ZCCHC10: variants seen among roughly 807,000 people sequenced by gnomAD.
ZCCHC10 encodes the protein zinc finger CCHC domain-containing protein 10.
A neutral mutation model predicts 19.5 loss-of-function variants in ZCCHC10; 16 were observed. The ratio of observed to expected loss-of-function variants is 0.82; its 90% confidence interval spans 0.56 to 1.25. ZCCHC10 has a LOEUF of 1.25. ZCCHC10 is among the 50% of genes most tolerant of loss of function. The pLI is 0.00. For missense variants in ZCCHC10, 197 were observed against 201.0 expected (o/e 0.98, Z 0.12); for synonymous variants, 67 against 72.5 (o/e 0.92, Z 0.38).
intron 3 of ZCCHC10, 30 bp downstream of exon 3, chr5:133,006,728 AT>A (rs1376678097): frequency 2.6e-6 from 4 of 1,562,596 alleles, no homozygotes; most frequent in South Asian, 2.4e-5. Flanking sequence ...CATTAAAAAA[AT>A]ATTCCTTTGG....
chr5:133,009,346 G>A (rs919092594), intron 2 of ZCCHC10, among the ~76,000 whole-genome samples: 5 of 151,766 alleles, frequency 3.3e-5, no homozygotes, highest in Admixed American at 6.6e-5. Context: ...GGCCAGGTGC[G>A]GTGGCTCATT....
intron 2 of ZCCHC10, among the ~76,000 whole-genome samples, chr5:133,010,934 G>A (rs1033698002): frequency 2.0e-5 from 3 of 149,730 alleles, no homozygotes; most frequent in African/African-American, 7.3e-5. Context: ...TGGGATTACA[G>A]GCGCCTGCCA....
chr5:133,008,465 G>A (rs1763278576), intron 2 of ZCCHC10, among the ~76,000 whole-genome samples: 1 of 150,992 alleles, frequency 6.6e-6, no homozygotes. Context: ...TTGAACCTGG[G>A]AGGCGGAGGT....
At chr5:133,004,329 C>G (rs1421209877) in intron 3 of ZCCHC10, among the ~76,000 whole-genome samples, 1 of 151,974 alleles carries the variant, frequency 6.6e-6, no homozygotes, top group Non-Finnish European at 1.5e-5. Context: ...CATGCGCCAC[C>G]ACGTCTGGAT....
At chr5:133,002,117 T>C (rs938165229) in intron 3 of ZCCHC10, among the ~76,000 whole-genome samples, 3 of 151,596 alleles carry the variant, frequency 2.0e-5, no homozygotes, top group Admixed American at 1.3e-4. Context: ...CCCGCCACTA[T>C]GTCTGGCTAA....
chr5:133,011,980 T>C (rs768201874), intron 2 of ZCCHC10, among the ~76,000 whole-genome samples: 91 of 150,780 alleles, frequency 6.0e-4, no homozygotes, highest in Admixed American at 7.3e-4. Flanking sequence ...AAAAAATTTC[T>C]AAAACATTAT....
chr5:133,005,051 G>A (rs1358706386), intron 3 of ZCCHC10, among the ~76,000 whole-genome samples: 4 of 152,148 alleles, frequency 2.6e-5, no homozygotes, highest in Middle Eastern at 6.8e-3. Context: ...TGTAATCCCA[G>A]CACTTTGGGA....
intron 3 of ZCCHC10, 94 bp from the exon 4 acceptor site, chr5:133,000,267 C>T: frequency 7.2e-7 from 1 of 1,381,848 alleles, no homozygotes; most frequent in Non-Finnish European, 1.0e-6. Flanking sequence ...TCATTTTACT[C>T]TGGAGAAAGA....
chr5:133,022,168 T>C lies in ZCCHC10; in HGVS notation c.107+673A>G, dbSNP rs192656876. Among the ~76,000 whole-genome samples the C allele has an allele frequency of 3.3e-3, 499 of 152,326 alleles. 2 individuals are homozygous for C. Among genetic ancestry groups the C allele is most frequent in the Admixed American group, 8.0e-3 (122 of 15,280 alleles). ...AACCATTAACACACAAACACATTTA[T>C]AGCTGTACAAAAATTTTTTCTTTCT... On this transcript the variant is annotated intron_variant, in intron 2 of 4. Transcript: ENST00000509437.
Position 133,026,055 on chromosome 5 carries a change from T to C in ZCCHC10, c.41+442A>G, listed in dbSNP as rs1231734446. 3.3e-5 allele frequency among the ~76,000 whole-genome samples: 5 copies of C among 152,112 alleles called. No individual in the cohort carries two copies. The East Asian group carries it at 9.6e-4, about 29-fold the overall frequency. ...AGCAATCGGCATTGAAGGCAGGGTGTTCCTAAGGAAGGCGCTAGAATAAGG... is the reference window on the plus strand; with the variant it reads ...AGCAATCGGCATTGAAGGCAGGGTGCTCCTAAGGAAGGCGCTAGAATAAGG... On this transcript the variant is annotated intron_variant, in intron 1 of 4. Transcript: ENST00000509437.
At chr5:133,024,897 C>T (rs918122919) in intron 1 of ZCCHC10, among the ~76,000 whole-genome samples, 2 of 151,148 alleles carry the variant, frequency 1.3e-5, no homozygotes, top group African/African-American at 4.9e-5. Flanking sequence ...AGTGAGACTC[C>T]GTCTAAAAAA....
intron 2 of ZCCHC10, among the ~76,000 whole-genome samples, chr5:133,020,934 T>G (rs1001776816): frequency 3.3e-5 from 5 of 151,808 alleles, no homozygotes; most frequent in African/African-American, 1.2e-4. Flanking sequence ...TCTCGCTCTG[T>G]CGCCCAGGCT....
intron 1 of ZCCHC10, among the ~76,000 whole-genome samples, chr5:133,024,749 A>G (rs1283764034): frequency 6.6e-6 from 1 of 152,116 alleles, no homozygotes; most frequent in East Asian, 1.9e-4. Flanking sequence ...TAAAAAATAC[A>G]AAAATTAGCA....
intron 4 of ZCCHC10, among the ~76,000 whole-genome samples, 163 bp downstream of exon 4, chr5:132,999,969 A>G (rs1230310126): frequency 6.6e-6 from 1 of 152,210 alleles, no homozygotes; most frequent in African/African-American, 2.4e-5. Context: ...GCTGGTCTCC[A>G]ACTCCTGACC....
At chr5:133,021,445 T>G (rs977969788) in intron 2 of ZCCHC10, among the ~76,000 whole-genome samples, 12 of 152,180 alleles carry the variant, frequency 7.9e-5, no homozygotes, top group Non-Finnish European at 1.5e-4. Flanking sequence ...AAAGATGACC[T>G]AAATAAATGG....
intron 3 of ZCCHC10, among the ~76,000 whole-genome samples, chr5:133,002,790 G>T (rs560456061): frequency 7.2e-4 from 109 of 151,964 alleles, no homozygotes; most frequent in Non-Finnish European, 1.3e-3. Context: ...CATGATCTTG[G>T]CTTACTTCAA....
intron 2 of ZCCHC10, among the ~76,000 whole-genome samples, chr5:133,017,146 A>G (rs1167012388): frequency 4.6e-5 from 7 of 151,760 alleles, no homozygotes. Flanking sequence ...GACACCCTGC[A>G]TTGGACTTCC....
intron 2 of ZCCHC10, among the ~76,000 whole-genome samples, chr5:133,017,386 T>C (rs1348652279): frequency 1.3e-5 from 2 of 152,084 alleles, no homozygotes; most frequent in Non-Finnish European, 1.5e-5. Context: ...TTTTTCATTT[T>C]TGAGACAGTG....
intron 1 of ZCCHC10, among the ~76,000 whole-genome samples, chr5:133,025,359 C>A (rs1434626969): frequency 6.6e-6 from 1 of 151,786 alleles, no homozygotes; most frequent in Non-Finnish European, 1.5e-5. Context: ...AAAAAACCAG[C>A]CGGGCATGGT....
Sources: allele counts gnomAD v4.1 joint callset (sites outside exome capture counted in the v4.1 genomes callset), GRCh38; gene constraint gnomAD v4.1.1; transcripts MANE v1.5; gene names NCBI Gene and HGNC (gene_info 2026-07-23, HGNC 2026-07-21).